The following JAKMIP2 variants were observed in gnomAD, a reference collection of about 807,000 sequenced individuals.
The protein encoded by JAKMIP2 is janus kinase and microtubule interacting protein 2, also known as janus kinase and microtubule-interacting protein 2.
A neutral mutation model predicts 115.0 loss-of-function variants in JAKMIP2; 25 were observed. The observed-to-expected ratio is 0.22, with a 90% CI of 0.16 to 0.30. JAKMIP2 has a LOEUF of 0.30. Among genes scored for constraint, JAKMIP2 ranks in the 10% least tolerant of loss-of-function variants. JAKMIP2 has a pLI of 1.00. For synonymous variants in JAKMIP2, 334 were observed against 343.6 expected (o/e 0.97, Z 0.31); for missense variants, 642 against 957.6 (o/e 0.67, Z 4.35).
At chr5:147,657,042 G>A (rs928729199) in intron 3 of JAKMIP2, among the ~76,000 whole-genome samples, 6 of 152,182 alleles carry the variant, frequency 3.9e-5, no homozygotes, top group African/African-American at 1.4e-4. Context: ...CACTTTGGGA[G>A]GCCGAGGCGG....
intron 1 of JAKMIP2, among the ~76,000 whole-genome samples, chr5:147,682,144 A>C (rs1423860094): frequency 6.6e-6 from 1 of 152,192 alleles, no homozygotes; most frequent in African/African-American, 2.4e-5. Context: ...GGAAAGAAGA[A>C]TATTCTAGGC....
At chr5:147,704,944 G>A (rs1752507143) in intron 1 of JAKMIP2, among the ~76,000 whole-genome samples, 1 of 152,126 alleles carries the variant, frequency 6.6e-6, no homozygotes, top group Non-Finnish European at 1.5e-5. Context: ...CACTAATAAT[G>A]TAGCAGAGTA....
intron 1 of JAKMIP2, among the ~76,000 whole-genome samples, chr5:147,704,960 T>G (rs141927878): frequency 6.6e-6 from 1 of 152,264 alleles, no homozygotes; most frequent in African/African-American, 2.4e-5. Context: ...GAGTATGAAT[T>G]ACAAGGTACA....
intron 1 of JAKMIP2, among the ~76,000 whole-genome samples, chr5:147,775,898 A>G (rs1755535062): frequency 6.6e-6 from 1 of 152,196 alleles, no homozygotes. Flanking sequence ...CATGGAGCTT[A>G]CATTCTAGTG....
intron 1 of JAKMIP2, among the ~76,000 whole-genome samples, chr5:147,705,789 T>C (rs1184725088): frequency 6.6e-6 from 1 of 152,166 alleles, no homozygotes; most frequent in African/African-American, 2.4e-5. Context: ...ATATTATGCA[T>C]AATTAAGGAC....
chr5:147,671,578 G>A lies in JAKMIP2; in HGVS notation c.129+100C>T, dbSNP rs541921917. The A allele has an allele frequency of 1.4e-4, 144 of 1,036,000 alleles. 2 individuals carry two copies. The South Asian group carries it at 2.6e-3, about 19-fold the overall frequency. 64.2% of individuals were successfully genotyped at this position (1,036,000 alleles called of 1,614,324 possible). ...CGTTGCCCTCTCTGGCAAAGGGCAG[G>A]AGTCCACTGGGGTAGGCCAGCAGGC... is the stretch of plus-strand genomic sequence containing the variant. On this transcript the variant is annotated intron_variant, in intron 2 of 21. Coordinates refer to ENST00000616793, the MANE Select transcript of JAKMIP2 (RefSeq NM_001270941.2).
chr5:147,597,469 G>A (rs763811627), intron 21 of JAKMIP2, among the ~76,000 whole-genome samples: 11 of 152,126 alleles, frequency 7.2e-5, no homozygotes, highest in Non-Finnish European at 1.5e-4. Context: ...CCAAATGCAT[G>A]TAAAATTTGT....
intron 20 of JAKMIP2, 30 bp downstream of exon 20, chr5:147,612,276 A>G (rs776831252): frequency 7.5e-7 from 1 of 1,336,708 alleles, no homozygotes. Context: ...TTAAACAAAT[A>G]ATAAGATAGT....
At chr5:147,701,268 A>C (rs547549250) in intron 1 of JAKMIP2, among the ~76,000 whole-genome samples, 1 of 152,312 alleles carries the variant, frequency 6.6e-6, no homozygotes, top group African/African-American at 2.4e-5. Context: ...TTTGTGGTTG[A>C]TTAGTGGAGA....
chr5:147,782,059 C>A (rs1343912018), intron 1 of JAKMIP2, among the ~76,000 whole-genome samples: 5 of 152,032 alleles, frequency 3.3e-5, no homozygotes, highest in Non-Finnish European at 7.4e-5. Context: ...TATGAGACAC[C>A]AAATGTATTT....
intron 1 of JAKMIP2, among the ~76,000 whole-genome samples, chr5:147,741,990 G>A (rs533260655): frequency 6.6e-6 from 1 of 151,596 alleles, no homozygotes; most frequent in South Asian, 2.1e-4. Flanking sequence ...TATATTAAAC[G>A]ACAAAAGCTT....
At chr5:147,709,417 T>C (rs891833654) in intron 1 of JAKMIP2, among the ~76,000 whole-genome samples, 2 of 152,164 alleles carry the variant, frequency 1.3e-5, no homozygotes, top group Non-Finnish European at 2.9e-5. Context: ...CAAAGATCTA[T>C]AAAAACACCT....
chr5:147,769,261 CTCA>C (rs1580901905), intron 1 of JAKMIP2, among the ~76,000 whole-genome samples: 2 of 152,056 alleles, frequency 1.3e-5, no homozygotes, highest in Non-Finnish European at 2.9e-5. Flanking sequence ...AATCATCTTC[CTCA>C]TCATCATGAT....
chr5:147,700,385 A>G (rs1752276768), intron 1 of JAKMIP2, among the ~76,000 whole-genome samples: 1 of 152,174 alleles, frequency 6.6e-6, no homozygotes, highest in Non-Finnish European at 1.5e-5. Context: ...TTAGTGAACT[A>G]GCAAATAGAT....
At chr5:147,704,032 G>A (rs1433773662) in intron 1 of JAKMIP2, among the ~76,000 whole-genome samples, 1 of 152,046 alleles carries the variant, frequency 6.6e-6, no homozygotes, top group Non-Finnish European at 1.5e-5. Flanking sequence ...TCCACAGCCT[G>A]TCCCACTAGA....
At chr5:147,659,689 C>A (rs1292774172) in intron 3 of JAKMIP2, among the ~76,000 whole-genome samples, 1 of 152,194 alleles carries the variant, frequency 6.6e-6, no homozygotes, top group African/African-American at 2.4e-5. Context: ...AGTTCGAAGT[C>A]CTGATTCTTT....
At position 147,718,524 on chromosome 5, in the gene JAKMIP2, A is replaced by C. The variant is rs1213478304; in HGVS notation, c.-148-46570T>G. ...CTATTGATTATTGCCACAATTTCAG[A>C]TCCTGTTATTGGTCTATTCAGAGAT... On this transcript the variant is annotated intron_variant, in intron 1 of 21. Transcript: ENST00000616793. Among the ~76,000 whole-genome samples, 8 of 151,756 alleles carry C rather than the reference A, an allele frequency of 5.3e-5. No homozygotes were observed. In the South Asian group the frequency reaches 1.7e-3, roughly 32 times the overall value.
chr5:147,767,731 G>A lies in JAKMIP2; in HGVS notation c.-149+14725C>T, dbSNP rs567888534. Among the ~76,000 whole-genome samples the A allele has an allele frequency of 7.9e-5, 12 of 152,100 alleles. 1 individual carries two copies. In the East Asian group the frequency reaches 2.1e-3, roughly 27 times the overall value. The stretch of plus-strand genomic sequence containing the variant: ...GTTTTCCAATATTTCTCATGCATAT[G>A]CCCTCATTAGATTCACATGCAAGAA... On this transcript the variant is annotated intron_variant, in intron 1 of 21. Transcript: ENST00000616793.
At chr5:147,675,800 T>TG (rs1759915424) in intron 1 of JAKMIP2, among the ~76,000 whole-genome samples, 1 of 149,950 alleles carries the variant, frequency 6.7e-6, no homozygotes. Flanking sequence ...TTTTTTTTTT[T>TG]TTTTTGTGAC....
Sources: allele counts gnomAD v4.1 joint callset (sites outside exome capture counted in the v4.1 genomes callset), GRCh38; gene constraint gnomAD v4.1.1; transcripts MANE v1.5; gene names NCBI Gene and HGNC (gene_info 2026-07-23, HGNC 2026-07-21).